CSMD1: variants seen among roughly 807,000 people sequenced by gnomAD.
CSMD1 encodes the protein CUB and sushi domain-containing protein 1.
Under a neutral mutation model 417.5 loss-of-function variants are expected in CSMD1, and 213 were observed. That is an observed-to-expected ratio of 0.51 (90% CI 0.46 to 0.57). The LOEUF (loss-of-function observed/expected upper bound fraction) is 0.57. CSMD1 is among the 20% of genes least tolerant of loss of function. The probability of loss-of-function intolerance (pLI) is 0.00; values close to 1 mark genes in which losing one functional copy is unlikely to be tolerated. For synonymous variants in CSMD1, 2,862 were observed against 1,736.8 expected, an observed-to-expected ratio of 1.65 and a Z score of -16.11; for missense variants, 6,923 against 4,529.7, an observed-to-expected ratio of 1.53 and a Z score of -15.17.
chr8:4,220,572 T>A (rs1293689147), intron 3 of CSMD1, among the ~76,000 whole-genome samples: 1 of 152,162 alleles, frequency 6.6e-6, no homozygotes, highest in Admixed American at 6.5e-5. Context: ...TGTGAAATAA[T>A]TGTGGCTTTT....
intron 1 of CSMD1, among the ~76,000 whole-genome samples, chr8:4,984,670 T>C (rs1052775628): frequency 1.3e-5 from 2 of 152,178 alleles, no homozygotes; most frequent in Non-Finnish European, 2.9e-5. Flanking sequence ...ACTTGCCAGA[T>C]AGATGGAGAG....
rs115776761 is a variant in CSMD1, at chr8:3,530,570, G to C, written c.1345-36844C>G. 9.9e-3 allele frequency among the ~76,000 whole-genome samples: 1,511 copies of C among 152,264 alleles called. 25 individuals carry two copies. The highest frequency in any genetic ancestry group is 0.034 in the African/African-American group (1,408 of 41,550). On this transcript the variant is annotated intron_variant, in intron 10 of 69. Transcript: ENST00000635120. ...GGAGTCTTGCTCTGTTCCCCAAGCT[G>C]GAATGCAGGGGTGTGAGCTAGGCTC...
Position 4,385,060 on chromosome 8 carries a change from G to A in CSMD1, c.415+34893C>T, listed in dbSNP as rs1370566080. 2.0e-5 allele frequency among the ~76,000 whole-genome samples: 3 copies of A among 152,130 alleles called. No individual in the cohort carries two copies. The East Asian group carries it at 5.8e-4, about 29-fold the overall frequency. On this transcript the variant is annotated intron_variant, in intron 3 of 69. Coordinates refer to ENST00000635120, the MANE Select transcript of CSMD1 (RefSeq NM_033225.6). ...TCCTGCCTCAGCCTCCCGAAGAGCT[G>A]TGATTACAGGTGCCTTCCAGCACAC... is the stretch of plus-strand genomic sequence containing the variant.
chr8:4,475,260 A>G (rs1203112853), intron 2 of CSMD1, among the ~76,000 whole-genome samples: 1 of 151,896 alleles, frequency 6.6e-6, no homozygotes, highest in Admixed American at 6.6e-5. Context: ...TCCCTCTCTC[A>G]CTCCATTTCT....
intron 1 of CSMD1, among the ~76,000 whole-genome samples, chr8:4,780,211 T>C (rs1044366534): frequency 4.6e-5 from 7 of 152,228 alleles, no homozygotes; most frequent in East Asian, 3.8e-4. Flanking sequence ...TGTGTAAAAA[T>C]GCAAACAAAC....
At chr8:3,413,009 C>T (rs1812913712) in intron 12 of CSMD1, among the ~76,000 whole-genome samples, 1 of 152,154 alleles carries the variant, frequency 6.6e-6, no homozygotes, top group African/African-American at 2.4e-5. Flanking sequence ...TTTTGAATCC[C>T]CCAGTGTTTG....
chr8:4,180,483 CG>C (rs1187578623), intron 3 of CSMD1, among the ~76,000 whole-genome samples: 8 of 150,610 alleles, frequency 5.3e-5, no homozygotes, highest in African/African-American at 1.7e-4. Context: ...TGCTAAATGA[CG>C]AGTTAGTGGG....
At chr8:3,444,156 T>C (rs955848396) in intron 12 of CSMD1, among the ~76,000 whole-genome samples, 2 of 152,120 alleles carry the variant, frequency 1.3e-5, no homozygotes, top group Admixed American at 1.3e-4. Flanking sequence ...ATTAATATTG[T>C]AAGTGTCCAG....
chr8:4,171,671 G>C (rs1034117482), intron 3 of CSMD1, among the ~76,000 whole-genome samples: 2 of 149,094 alleles, frequency 1.3e-5, no homozygotes, highest in African/African-American at 5.1e-5. Context: ...AGATAAACTG[G>C]TAGAATATTT....
intron 2 of CSMD1, among the ~76,000 whole-genome samples, chr8:4,568,139 T>C (rs920369791): frequency 6.6e-6 from 1 of 152,212 alleles, no homozygotes; most frequent in Non-Finnish European, 1.5e-5. Context: ...AGATGCTTTG[T>C]GTGTCTTTTT....
intron 3 of CSMD1, among the ~76,000 whole-genome samples, chr8:4,139,193 G>T (rs117124357): frequency 1.3e-5 from 2 of 151,918 alleles, no homozygotes; most frequent in South Asian, 4.2e-4. Context: ...TTCAGTTTCA[G>T]TATCTTCCTG....
intron 2 of CSMD1, among the ~76,000 whole-genome samples, chr8:4,505,095 C>T (rs1050125072): frequency 6.6e-6 from 1 of 152,190 alleles, no homozygotes; most frequent in Non-Finnish European, 1.5e-5. Flanking sequence ...TACACTCCTA[C>T]CAACACCAAT....
intron 16 of CSMD1, 92 bp downstream of exon 16, chr8:3,399,299 C>T (rs968180436): frequency 1.4e-5 from 18 of 1,246,706 alleles, no homozygotes; most frequent in Middle Eastern, 2.8e-4. Flanking sequence ...CCGAAAAAAA[C>T]TGCCATCTTT....
chr8:3,308,065 A>T (rs1805023560), intron 24 of CSMD1, among the ~76,000 whole-genome samples: 1 of 30,714 alleles, frequency 3.3e-5, no homozygotes. Flanking sequence ...TGATAATTCT[A>T]ATAATATGTG....
intron 7 of CSMD1, among the ~76,000 whole-genome samples, chr8:3,668,187 T>C (rs1449790676): frequency 2.0e-5 from 3 of 152,116 alleles, no homozygotes; most frequent in Non-Finnish European, 4.4e-5. Flanking sequence ...TGAGATATGT[T>C]TCCCAGCTAA....
intron 12 of CSMD1, among the ~76,000 whole-genome samples, chr8:3,436,898 T>G (rs1814601152): frequency 6.6e-6 from 1 of 152,302 alleles, no homozygotes; most frequent in East Asian, 1.9e-4. Flanking sequence ...CAATTATTAT[T>G]TTCTCAGCCA....
intron 1 of CSMD1, among the ~76,000 whole-genome samples, chr8:4,915,040 G>A (rs921512862): frequency 2.6e-5 from 4 of 152,202 alleles, no homozygotes; most frequent in African/African-American, 9.7e-5. Flanking sequence ...AACTGCACGT[G>A]TGGAGGGAAT....
At chr8:4,099,729 C>A (rs944215620) in intron 3 of CSMD1, among the ~76,000 whole-genome samples, 2 of 152,118 alleles carry the variant, frequency 1.3e-5, no homozygotes, top group Non-Finnish European at 2.9e-5. Flanking sequence ...CTTGCTTTCT[C>A]CCCTCCTTAA....
chr8:3,699,783 A>T (rs1474407929), intron 7 of CSMD1, among the ~76,000 whole-genome samples: 1 of 152,156 alleles, frequency 6.6e-6, no homozygotes, highest in African/African-American at 2.4e-5. Flanking sequence ...TGTGTGAGTG[A>T]AGATGTGAAA....
Sources: gnomAD v4.1 joint callset for allele counts (sites outside exome capture counted in the v4.1 genomes callset) on GRCh38, gnomAD v4.1.1 for gene constraint, MANE v1.5 for transcripts, NCBI Gene and HGNC (gene_info 2026-07-23, HGNC 2026-07-21) for gene names.